CDA: variants seen among roughly 807,000 people sequenced by gnomAD.
CDA encodes the protein cytidine aminohydrolase.
A neutral mutation model predicts 15.0 loss-of-function variants in CDA; 7 were observed. The ratio of observed to expected loss-of-function variants is 0.47; its 90% confidence interval spans 0.26 to 0.87. CDA has a LOEUF of 0.87. CDA is among the 40% of genes least tolerant of loss of function. CDA has a pLI of 0.15. For synonymous variants in CDA, 58 were observed against 73.0 expected (o/e 0.79, Z 1.05); for missense variants, 159 against 182.7 (o/e 0.87, Z 0.75).
At chr1:20,618,279 C>T (rs1170859453) in intron 3 of CDA, among the ~76,000 whole-genome samples, 173 bp from the exon 4 acceptor site, 1 of 90,420 alleles carries the variant, frequency 1.1e-5, no homozygotes, top group African/African-American at 4.6e-5. Flanking sequence ...TTCGTTTCCT[C>T]CTCCCTGCAG....
chr1:20,604,544 A>C (rs995981798), intron 1 of CDA, among the ~76,000 whole-genome samples: 1 of 152,178 alleles, frequency 6.6e-6, no homozygotes, highest in African/African-American at 2.4e-5. Context: ...CATTCAGACC[A>C]TGGGGCTCTT....
intron 3 of CDA, among the ~76,000 whole-genome samples, chr1:20,615,426 AGT>A (rs2052792355): frequency 7.3e-6 from 1 of 136,322 alleles, no homozygotes; most frequent in African/African-American, 2.7e-5. Context: ...TGGGTCCAGG[AGT>A]TCGAGACCTG....
At chr1:20,613,282 C>A (rs556157886) in intron 2 of CDA, among the ~76,000 whole-genome samples, 166 of 151,950 alleles carry the variant, frequency 1.1e-3, no homozygotes, top group Non-Finnish European at 2.0e-3. Flanking sequence ...TGGCTCACTG[C>A]AACCTTTGCC....
chr1:20,611,813 C>T (rs2052755360), intron 2 of CDA, among the ~76,000 whole-genome samples: 1 of 152,224 alleles, frequency 6.6e-6, no homozygotes, highest in South Asian at 2.1e-4. Flanking sequence ...CTCTCTGAGA[C>T]ACATGCACTT....
chr1:20,605,234 A>G (rs1289824087), intron 2 of CDA, among the ~76,000 whole-genome samples, 195 bp downstream of exon 2: 2 of 152,122 alleles, frequency 1.3e-5, no homozygotes, highest in Non-Finnish European at 2.9e-5. Context: ...GCCCTCAGTG[A>G]GCCTGCAAAG....
chr1:20,612,835 C>T (rs888724307), intron 2 of CDA, among the ~76,000 whole-genome samples: 6 of 148,568 alleles, frequency 4.0e-5, no homozygotes, highest in African/African-American at 1.2e-4. Flanking sequence ...CCCAGCTACT[C>T]GGGAGGTTGA....
intron 1 of CDA, among the ~76,000 whole-genome samples, chr1:20,591,350 C>T (rs1465032305): frequency 2.0e-5 from 3 of 151,112 alleles, no homozygotes; most frequent in African/African-American, 7.4e-5. Flanking sequence ...CAAAAACAAA[C>T]AAACAAAAAA....
chr1:20,617,692 A>T (rs1570389021), intron 3 of CDA, among the ~76,000 whole-genome samples: 1 of 123,044 alleles, frequency 8.1e-6, no homozygotes, highest in East Asian at 2.2e-4. Flanking sequence ...TTTTTATTTT[A>T]TTTTATTTTT....
At chr1:20,614,017 T>C in intron 3 of CDA, 118 bp downstream of exon 3, 1 of 900,666 alleles carries the variant, frequency 1.1e-6, no homozygotes, top group East Asian at 2.6e-5. Context: ...GCTACTGTCC[T>C]GTTTGCTTGG....
chr1:20,616,758 C>T (rs1053604450), intron 3 of CDA, among the ~76,000 whole-genome samples: 3 of 152,288 alleles, frequency 2.0e-5, no homozygotes, highest in Middle Eastern at 3.4e-3. Flanking sequence ...GGACCTGACA[C>T]GTAAACTCGC....
intron 1 of CDA, among the ~76,000 whole-genome samples, chr1:20,596,199 G>A (rs1472920165): frequency 1.3e-5 from 2 of 152,100 alleles, no homozygotes; most frequent in African/African-American, 2.4e-5. Flanking sequence ...ACAGTCCCTC[G>A]ACTAAATAGC....
chr1:20,597,767 G>A (rs818199), intron 1 of CDA, among the ~76,000 whole-genome samples: 53,561 of 152,048 alleles, frequency 0.35, 9,773 homozygotes, highest in Middle Eastern at 0.46. Flanking sequence ...GGCAATAGCA[G>A]AAACAGAATT....
chr1:20,599,500 C>T (rs2052619822), intron 1 of CDA, among the ~76,000 whole-genome samples: 1 of 151,900 alleles, frequency 6.6e-6, no homozygotes, highest in Admixed American at 6.6e-5. Context: ...ACCTGTAGTC[C>T]TACCTACTTG....
At chr1:20,603,912 G>C (rs1171986486) in intron 1 of CDA, among the ~76,000 whole-genome samples, 1 of 152,120 alleles carries the variant, frequency 6.6e-6, no homozygotes, top group Non-Finnish European at 1.5e-5. Flanking sequence ...ACAACCCTGA[G>C]AGAGCCAACA....
chr1:20,594,623 A>G (rs979069530), intron 1 of CDA, among the ~76,000 whole-genome samples: 33 of 151,930 alleles, frequency 2.2e-4, no homozygotes, highest in Admixed American at 2.2e-3. Context: ...CCCCATCTCT[A>G]CTAAAAATAC....
chr1:20,594,093 G>A (rs889467711), intron 1 of CDA, among the ~76,000 whole-genome samples: 2 of 152,178 alleles, frequency 1.3e-5, no homozygotes, highest in African/African-American at 2.4e-5. Flanking sequence ...GGTCTGCCCA[G>A]GTCTGTGACT....
intron 1 of CDA, among the ~76,000 whole-genome samples, chr1:20,602,096 G>C (rs2052649085): frequency 6.7e-6 from 1 of 149,540 alleles, no homozygotes; most frequent in South Asian, 2.2e-4. Flanking sequence ...ACACCAGCCT[G>C]GGCAACAGAG....
At chr1:20,613,960 C>T in intron 3 of CDA, 61 bp downstream of exon 3, 1 of 1,496,792 alleles carries the variant, frequency 6.7e-7, no homozygotes, top group Admixed American at 1.7e-5. Flanking sequence ...GCTATGGGAG[C>T]CACGCCAAGT....
At chr1:20,597,858 C>A (rs193176488) in intron 1 of CDA, among the ~76,000 whole-genome samples, 1 of 149,802 alleles carries the variant, frequency 6.7e-6, no homozygotes, top group Non-Finnish European at 1.5e-5. Context: ...GGATGCAGTA[C>A]GTGGGCAAAG....
Sources: allele counts gnomAD v4.1 joint callset (sites outside exome capture counted in the v4.1 genomes callset), GRCh38; gene constraint gnomAD v4.1.1; transcripts MANE v1.5; gene names NCBI Gene and HGNC (gene_info 2026-07-23, HGNC 2026-07-21).